Variants in SHC4 observed in about 807,000 individuals in gnomAD.
SHC4 encodes SHC-transforming protein 4.
In SHC4, 41 loss-of-function variants were observed where a neutral mutation model predicts 69.4. That is an observed-to-expected ratio of 0.59 (90% confidence interval 0.46 to 0.77). SHC4 has a LOEUF of 0.77. Among genes scored for constraint, SHC4 ranks in the 30% least tolerant of loss-of-function variants. The pLI, the probability that SHC4 is intolerant of heterozygous loss-of-function variation, is 0.00. For synonymous variants in SHC4, 318 were observed against 299.3 expected (o/e 1.06, Z -0.64); for missense variants, 777 against 783.8 (o/e 0.99, Z 0.10).
intron 8 of SHC4, among the ~76,000 whole-genome samples, chr15:48,853,767 G>GGGATAGCT (rs1404704888): frequency 2.6e-5 from 4 of 152,278 alleles, no homozygotes; most frequent in Admixed American, 2.6e-4. Context: ...AAATGGTGCT[G>GGGATAGCT]GGATAGCTGG....
chr15:48,882,647 T>C (rs1025239264), intron 4 of SHC4, among the ~76,000 whole-genome samples: 3 of 152,156 alleles, frequency 2.0e-5, no homozygotes, highest in Non-Finnish European at 2.9e-5. Flanking sequence ...AAAATGATCA[T>C]AGATTCTACC....
rs1899754130 is a variant in SHC4, at chr15:48,874,422, G to T, written c.841-2280C>A. Among the ~76,000 whole-genome samples the T allele has an allele frequency of 3.3e-5, 5 of 152,308 alleles. No homozygotes were observed. The South Asian group carries it at 1.0e-3, about 32-fold the overall frequency. ...TTAGGAACCGGGCTGCAGAGGAGGT[G>T]AGCAGTGGATGAGCAAGAGAAGCTT... On this transcript the variant is annotated intron_variant, in intron 4 of 11. Coordinates refer to ENST00000332408, the MANE Select transcript of SHC4 (RefSeq NM_203349.4).
At chr15:48,912,711 T>C (rs1900531226) in intron 2 of SHC4, among the ~76,000 whole-genome samples, 1 of 152,218 alleles carries the variant, frequency 6.6e-6, no homozygotes, top group Admixed American at 6.5e-5. Context: ...CCTTCTTATT[T>C]GGGTAGGCTC....
At chr15:48,862,334 G>C (rs1162119504) in intron 6 of SHC4, among the ~76,000 whole-genome samples, 1 of 152,086 alleles carries the variant, frequency 6.6e-6, no homozygotes, top group Non-Finnish European at 1.5e-5. Flanking sequence ...CACATTTGGA[G>C]TAAGACAATG....
At chr15:48,946,153 G>C (rs1901272768) in intron 1 of SHC4, 1 of 152,096 alleles carries the variant, frequency 6.6e-6, no homozygotes, top group South Asian at 2.1e-4. Context: ...AATGTCTGTG[G>C]GCATCTTATT....
intron 2 of SHC4, among the ~76,000 whole-genome samples, chr15:48,909,881 A>G (rs866182229): frequency 6.6e-5 from 10 of 152,154 alleles, no homozygotes; most frequent in African/African-American, 2.2e-4. Context: ...ATGTTAAACT[A>G]TCCCGCATCC....
intron 2 of SHC4, among the ~76,000 whole-genome samples, chr15:48,894,552 C>G (rs1900190021): frequency 6.6e-6 from 1 of 152,154 alleles, no homozygotes; most frequent in Admixed American, 6.5e-5. Flanking sequence ...TTCTTTATTT[C>G]TCTCTCTGCT....
chr15:48,923,635 CTTTTTT>C (rs59906872), intron 2 of SHC4, among the ~76,000 whole-genome samples: 2 of 92,502 alleles, frequency 2.2e-5, no homozygotes, highest in African/African-American at 9.1e-5. Context: ...ACTACTCAGT[CTTTTTT>C]TTTTTTTTTT....
intron 1 of SHC4, among the ~76,000 whole-genome samples, chr15:48,927,793 C>T (rs566959301): frequency 3.9e-5 from 6 of 152,324 alleles, no homozygotes; most frequent in African/African-American, 1.4e-4. Flanking sequence ...TTTCAGGTTT[C>T]AGTTCAAATG....
At chr15:48,886,526 G>A (rs1479520285) in intron 3 of SHC4, among the ~76,000 whole-genome samples, 1 of 152,100 alleles carries the variant, frequency 6.6e-6, no homozygotes, top group African/African-American at 2.4e-5. Flanking sequence ...TGAGGCAACT[G>A]GAATTCAAGT....
chr15:48,957,628 A>G (rs1454536771), intron 1 of SHC4, among the ~76,000 whole-genome samples: 1 of 152,194 alleles, frequency 6.6e-6, no homozygotes, highest in Non-Finnish European at 1.5e-5. Context: ...TTGATACCCA[A>G]GAAGGCCCAT....
chr15:48,921,213 G>A (rs1309781666), intron 2 of SHC4, among the ~76,000 whole-genome samples: 1 of 152,024 alleles, frequency 6.6e-6, no homozygotes, highest in East Asian at 1.9e-4. Context: ...AGACAGAAAA[G>A]GACAAATACT....
chr15:48,944,185 G>C (rs1028879950), intron 1 of SHC4, among the ~76,000 whole-genome samples: 2 of 152,146 alleles, frequency 1.3e-5, no homozygotes, highest in African/African-American at 4.8e-5. Context: ...ACACCATGTG[G>C]TGTCCACCTC....
intron 6 of SHC4, among the ~76,000 whole-genome samples, chr15:48,866,362 C>T (rs1237749022): frequency 6.6e-6 from 1 of 152,104 alleles, no homozygotes; most frequent in African/African-American, 2.4e-5. Context: ...TACTGTTTAT[C>T]CTCTGTTCCT....
At chr15:48,870,936 T>C (rs1039738533) in intron 5 of SHC4, among the ~76,000 whole-genome samples, 1 of 152,214 alleles carries the variant, frequency 6.6e-6, no homozygotes, top group Admixed American at 6.5e-5. Context: ...TTCTCCCCCA[T>C]TGAATATTTA....
chr15:48,921,811 A>G (rs1900758664), intron 2 of SHC4, among the ~76,000 whole-genome samples: 1 of 152,236 alleles, frequency 6.6e-6, no homozygotes, highest in Admixed American at 6.5e-5. Context: ...TGTGTATTTT[A>G]CCATGATAAA....
Position 48,945,686 on chromosome 15 carries a change from T to C in SHC4, c.585+16745A>G, listed in dbSNP as rs188300113. Among the ~76,000 whole-genome samples the C allele has an allele frequency of 6.5e-4, 97 of 149,598 alleles. 1 individual carries two copies. The highest frequency in any genetic ancestry group is 6.8e-3 in the Middle Eastern group (2 of 294). ...AACACAAATCCACAGAGACAGGAAG[T>C]AGATTAGTCTCTGCCAGGGGTTGGA... is the stretch of plus-strand genomic sequence containing the variant. On this transcript the variant is annotated intron_variant, in intron 1 of 11. Transcript: ENST00000332408.
intron 9 of SHC4, among the ~76,000 whole-genome samples, chr15:48,848,757 A>C (rs1374242529): frequency 6.6e-6 from 1 of 152,226 alleles, no homozygotes; most frequent in Non-Finnish European, 1.5e-5. Flanking sequence ...AAAATCTTGA[A>C]TTAACGTTAA....
chr15:48,913,516 A>G (rs113804191), intron 2 of SHC4, among the ~76,000 whole-genome samples: 67 of 152,242 alleles, frequency 4.4e-4, no homozygotes, highest in African/African-American at 1.5e-3. Flanking sequence ...CCCCAGCTCC[A>G]GGCTACCTGC....
Sources: allele counts gnomAD v4.1 joint callset (sites outside exome capture counted in the v4.1 genomes callset), GRCh38; gene constraint gnomAD v4.1.1; transcripts MANE v1.5; gene names NCBI Gene and HGNC (gene_info 2026-07-23, HGNC 2026-07-21).